LY6S: variants seen among roughly 807,000 people sequenced by gnomAD.
LY6S encodes lymphocyte antigen 6S.
At chr8:143,047,259 C>T in the LY6S span, among the ~76,000 whole-genome samples, 8 of 151,698 alleles carry the variant, frequency 5.3e-5, no homozygotes, top group Admixed American at 5.3e-4. Flanking sequence ...CCTGCCTCAG[C>T]CTCCGGAGTA....
At chr8:143,072,414 G>C in the LY6S span, among the ~76,000 whole-genome samples, 4 of 110,838 alleles carry the variant, frequency 3.6e-5, 1 homozygote, top group Non-Finnish European at 6.9e-5. Context: ...CGTCGTCCTC[G>C]TGGTCCCTGT....
At chr8:143,053,302 A>T in the LY6S span, 1 of 152,098 alleles carries the variant, frequency 6.6e-6, no homozygotes, top group Non-Finnish European at 1.5e-5. Context: ...ACAACTCCAG[A>T]TGGGGCTGAT....
the LY6S span, among the ~76,000 whole-genome samples, chr8:143,070,449 T>TATATATATATAATATATATATAA: frequency 8.0e-5 from 2 of 25,026 alleles, no homozygotes; most frequent in African/African-American, 1.6e-4. Flanking sequence ...ATATATTGTA[T>TATATATATATAATATATATATAA]ATATATATAT....
At chr8:143,051,089 C>A in the LY6S span, among the ~76,000 whole-genome samples, 1 of 152,182 alleles carries the variant, frequency 6.6e-6, no homozygotes, top group Non-Finnish European at 1.5e-5. Flanking sequence ...GGAGCCTGAG[C>A]GAGTGGCAGC....
chr8:143,045,152 G>C, the LY6S span, among the ~76,000 whole-genome samples: 2 of 152,188 alleles, frequency 1.3e-5, no homozygotes, highest in Admixed American at 1.3e-4. This position sits in a 1 kb window ranked among gnomAD's most constrained non-coding sequence, Gnocchi z 5.3. Flanking sequence ...TCTGCCACCG[G>C]AACACCGAAG....
the LY6S span, among the ~76,000 whole-genome samples, chr8:143,065,358 C>G: frequency 6.6e-6 from 1 of 152,166 alleles, no homozygotes; most frequent in Non-Finnish European, 1.5e-5. Flanking sequence ...GTGCCTCACA[C>G]CATGAGCTCA....
the LY6S span, among the ~76,000 whole-genome samples, chr8:143,058,618 C>T: frequency 3.0e-3 from 458 of 152,324 alleles, 1 homozygote; most frequent in African/African-American, 0.01. Flanking sequence ...GTTAGGCCTC[C>T]GGATAACTGC....
the LY6S span, among the ~76,000 whole-genome samples, chr8:143,041,036 T>C: frequency 2.0e-5 from 3 of 152,098 alleles, no homozygotes; most frequent in Non-Finnish European, 2.9e-5. Context: ...CAGGGCGAGA[T>C]CACAGGACCA....
At chr8:143,059,189 C>A in the LY6S span, among the ~76,000 whole-genome samples, 6 of 152,036 alleles carry the variant, frequency 3.9e-5, no homozygotes, top group Non-Finnish European at 8.8e-5. Context: ...CCACCGTATG[C>A]GGCCACATCT....
the LY6S span, chr8:143,042,613 G>T: frequency 1.6e-5 from 3 of 187,018 alleles, no homozygotes. Flanking sequence ...GACGCTGAGT[G>T]GGTCAGCAAA....
the LY6S span, among the ~76,000 whole-genome samples, chr8:143,042,755 G>C: frequency 6.6e-6 from 1 of 152,278 alleles, no homozygotes; most frequent in South Asian, 2.1e-4. Flanking sequence ...CTGGCTCCTC[G>C]GCAAGTTAGT....
chr8:143,061,089 C>T, the LY6S span, among the ~76,000 whole-genome samples: 1 of 151,604 alleles, frequency 6.6e-6, no homozygotes, highest in Non-Finnish European at 1.5e-5. Flanking sequence ...AGTTTTAGGC[C>T]AAATAAAGAT....
the LY6S span, among the ~76,000 whole-genome samples, chr8:143,047,317 T>A: frequency 6.6e-6 from 1 of 151,898 alleles, no homozygotes; most frequent in East Asian, 2.0e-4. Flanking sequence ...TTTTTTTCTT[T>A]TGTATTTTTA....
the LY6S span, among the ~76,000 whole-genome samples, chr8:143,074,849 G>A: frequency 6.6e-5 from 10 of 152,302 alleles, no homozygotes; most frequent in Admixed American, 2.0e-4. Context: ...GAGCTCTGCC[G>A]ATGACTAACC....
chr8:143,056,096 C>T, the LY6S span, among the ~76,000 whole-genome samples: 1 of 150,926 alleles, frequency 6.6e-6, no homozygotes, highest in Non-Finnish European at 1.5e-5. Context: ...CACAGTGAGC[C>T]TACTTTATTT....
At chr8:143,074,357 C>T in the LY6S span, among the ~76,000 whole-genome samples, 1 of 151,892 alleles carries the variant, frequency 6.6e-6, no homozygotes, top group African/African-American at 2.4e-5. Flanking sequence ...TGTTTGTGTA[C>T]TTTTAATTCT....
At chr8:143,066,744 T>C in the LY6S span, among the ~76,000 whole-genome samples, 1 of 152,184 alleles carries the variant, frequency 6.6e-6, no homozygotes, top group Non-Finnish European at 1.5e-5. Flanking sequence ...TGGAAAGAAC[T>C]CATTTCCAGA....
At chr8:143,073,130 G>C in the LY6S span, among the ~76,000 whole-genome samples, 1 of 149,310 alleles carries the variant, frequency 6.7e-6, no homozygotes. Context: ...TCGTCCTCGG[G>C]GTTCCTGTTT....
chr8:143,050,927 G>A, the LY6S span, among the ~76,000 whole-genome samples: 2 of 152,340 alleles, frequency 1.3e-5, no homozygotes, highest in African/African-American at 4.8e-5. Flanking sequence ...GCTCGGGGTC[G>A]GGGAAAGGCG....
Sources: allele counts gnomAD v4.1 joint callset (sites outside exome capture counted in the v4.1 genomes callset), GRCh38; gene constraint gnomAD v4.1.1; non-coding constraint Gnocchi (gnomAD v3.1); transcripts MANE v1.5; gene names NCBI Gene and HGNC (gene_info 2026-07-23, HGNC 2026-07-21).